The following WRN variants were observed in gnomAD, a reference collection of about 807,000 sequenced individuals.
WRN encodes the protein WRN RecQ like helicase.
A neutral mutation model predicts 180.7 loss-of-function variants in WRN; 149 were observed. The ratio of observed to expected loss-of-function variants is 0.82; its 90% CI spans 0.72 to 0.94. The LOEUF is 0.94. Among genes scored for constraint, WRN ranks in the 40% least tolerant of loss-of-function variants. The pLI is 0.00. For missense variants in WRN, 1,661 were observed against 1,700.1 expected (o/e 0.98, Z 0.40); for synonymous variants, 548 against 568.9 (o/e 0.96, Z 0.52).
At chr8:31,138,066 C>T (rs1802467929) in intron 24 of WRN, among the ~76,000 whole-genome samples, 1 of 151,884 alleles carries the variant, frequency 6.6e-6, no homozygotes, top group African/African-American at 2.4e-5. Flanking sequence ...GACACCTCTG[C>T]ACTCCAGCTT....
At position 31,150,444 on chromosome 8, in the gene WRN, A is replaced by G. The variant is rs566277794; in HGVS notation, c.3676A>G (p.Asn1226Asp). Residue 1226 changes from asparagine to aspartate, a missense_variant, in exon 31 of 35, where the codon AAT (asparagine) becomes GAT (aspartate). Physicochemically the swap from Asn to Asp is conservative, Grantham distance 23. Transcript: ENST00000298139. Reference sequence around the variant, plus strand: ...AGTCATCAAACATTTCTGCCAAACAAATAGTGTTCAGGTAAAATACTGTGG... The same window carrying G: ...AGTCATCAAACATTTCTGCCAAACAGATAGTGTTCAGGTAAAATACTGTGG... Reference protein sequence around the residue: ...LEVIKHFCQTNSVQTDLFSST... With the variant: ...LEVIKHFCQTDSVQTDLFSST... 49 of 1,614,128 alleles carry G rather than the reference A, an allele frequency of 3.0e-5. 1 individual carries two copies. In the South Asian group the frequency reaches 5.1e-4, roughly 17 times the overall value.
At chr8:31,087,725 G>A (rs781491236) in intron 11 of WRN, 51 bp from the exon 12 acceptor site, 1 of 1,578,020 alleles carries the variant, frequency 6.3e-7, no homozygotes, top group Admixed American at 1.7e-5. Context: ...TGGTGAAAAA[G>A]ATACGACACT....
intron 24 of WRN, among the ~76,000 whole-genome samples, chr8:31,137,268 C>T (rs1802436560): frequency 6.6e-6 from 1 of 151,808 alleles, no homozygotes. Context: ...ACAGTTAATC[C>T]CTACTGATCA....
chr8:31,120,554 AAAG>A, intron 21 of WRN, 130 bp downstream of exon 21: 1 of 974,234 alleles, frequency 1.0e-6, no homozygotes, highest in East Asian at 2.7e-5. Context: ...AAAAAAAAAA[AAAG>A]AAAAATAAAA....
intron 3 of WRN, among the ~76,000 whole-genome samples, chr8:31,062,930 G>A (rs1436575064): frequency 3.3e-5 from 5 of 151,924 alleles, no homozygotes; most frequent in African/African-American, 7.2e-5. Flanking sequence ...TTATGGGCTC[G>A]AGTGATCCTT....
intron 3 of WRN, among the ~76,000 whole-genome samples, chr8:31,063,897 A>T (rs1186811870): frequency 6.8e-6 from 1 of 146,134 alleles, no homozygotes; most frequent in Non-Finnish European, 1.5e-5. Context: ...CTAATTTTTA[A>T]TTTTTTTTTT....
At chr8:31,055,192 G>A (rs1282219307) in intron 1 of WRN, among the ~76,000 whole-genome samples, 1 of 152,118 alleles carries the variant, frequency 6.6e-6, no homozygotes, top group East Asian at 1.9e-4. Flanking sequence ...ACATGTGTGT[G>A]CTTGTATCTT....
chr8:31,148,303 C>T (rs546096323), intron 30 of WRN, among the ~76,000 whole-genome samples: 6 of 152,300 alleles, frequency 3.9e-5, no homozygotes, highest in African/African-American at 1.4e-4. Context: ...TTTCCCTTGG[C>T]CTGTTGCAGA....
rs112024742 is a variant in WRN at position 31,173,051 on chromosome 8, T to C, written c.4248T>C (p.Asp1416=). The change falls in exon 35 of 35, where the codon GAT becomes GAC. Residue 1416 remains aspartate, a synonymous_variant. Coordinates refer to ENST00000298139, the MANE Select transcript of WRN (RefSeq NM_000553.6). ...CTGTGTGGTTTGCCAAAGGAAGTGA[T>C]ACCAGCAAGAAATTAATGGACAAAA... The part of the protein sequence containing the change: ...RLPVWFAKGS[D]TSKKLMDKTK... 1.0e-4 allele frequency: 165 copies of C among 1,614,064 alleles called. No individual in the cohort carries two copies. In the African/African-American group the frequency reaches 1.6e-3, roughly 16 times the overall value.
chr8:31,091,760 C>A, intron 15 of WRN, 70 bp from the exon 16 acceptor site: 2 of 1,345,684 alleles, frequency 1.5e-6, no homozygotes, highest in Non-Finnish European at 2.1e-6. Context: ...TTTATTCTTT[C>A]TCACTTAAGA....
intron 34 of WRN, among the ~76,000 whole-genome samples, chr8:31,168,845 A>T (rs1803997905): frequency 6.6e-6 from 1 of 152,142 alleles, no homozygotes; most frequent in Admixed American, 6.6e-5. Flanking sequence ...TTATTAGTTG[A>T]CGTATTGTTG....
intron 1 of WRN, among the ~76,000 whole-genome samples, chr8:31,052,427 G>T (rs760936115): frequency 6.6e-6 from 1 of 151,748 alleles, no homozygotes; most frequent in Admixed American, 6.6e-5. Context: ...TTGCTCTGTT[G>T]CCCAGGGTGG....
intron 14 of WRN, 148 bp downstream of exon 14, chr8:31,090,680 C>T (rs1813711880): frequency 9.5e-7 from 1 of 1,050,958 alleles, no homozygotes; most frequent in Admixed American, 2.5e-5. Context: ...AACAGATGCT[C>T]AGATTTATGT....
intron 13 of WRN, 110 bp from the exon 14 acceptor site, chr8:31,090,355 A>T: frequency 9.5e-7 from 1 of 1,056,594 alleles, no homozygotes; most frequent in South Asian, 1.4e-5. Context: ...TTATGTATGA[A>T]GTTTGAAAAT....
chr8:31,064,849 T>A, intron 4 of WRN, 66 bp from the exon 5 acceptor site: 1 of 1,563,038 alleles, frequency 6.4e-7, no homozygotes, highest in Non-Finnish European at 8.8e-7. Flanking sequence ...ATGGTATGTA[T>A]AAGAAGTAGG....
intron 1 of WRN, among the ~76,000 whole-genome samples, chr8:31,041,543 A>T (rs961650128): frequency 1.3e-5 from 2 of 152,190 alleles, no homozygotes; most frequent in Non-Finnish European, 1.5e-5. Context: ...ACCACAGTAG[A>T]GTATATGGGT....
Position 31,150,360 on chromosome 8 carries a change from G to A in WRN, c.3592G>A (p.Val1198Ile), listed in dbSNP as rs147116477. Residue 1198 changes from valine (V) to isoleucine (I), a missense_variant, in exon 31 of 35, where the codon GTA becomes ATA. Physicochemically the swap from Val to Ile is conservative, Grantham distance 29 (BLOSUM62 3). This residue lies in a region of WRN where 1,141 missense variants were observed against 1,149.4 expected (regional missense o/e 0.99). Transcript: ENST00000298139. The part of the protein sequence containing the change: ...AKMRPTTVEN[V>I]KRIDGVSEGK... ...ACACAGACCAACTACGGTTGAAAAC[G>A]TAAAAAGGATTGATGGTGTTTCTGA... is the stretch of plus-strand genomic sequence containing the variant. The A allele has an allele frequency of 5.6e-6, 9 of 1,614,072 alleles. No homozygotes were observed. Among genetic ancestry groups the A allele is most frequent in the Admixed American group, 3.3e-5 (2 of 60,024 alleles).
chr8:31,106,524 C>T (rs1801103493), intron 18 of WRN, among the ~76,000 whole-genome samples: 1 of 152,136 alleles, frequency 6.6e-6, no homozygotes, highest in Non-Finnish European at 1.5e-5. Context: ...TTTCTTCGGA[C>T]ATTCCAGGCA....
chr8:31,165,510 A>G (rs577717966), intron 33 of WRN, among the ~76,000 whole-genome samples: 1 of 152,196 alleles, frequency 6.6e-6, no homozygotes, highest in African/African-American at 2.4e-5. Flanking sequence ...TTAGTCTACT[A>G]TATTTAAAAT....
Sources: allele counts gnomAD v4.1 joint callset (sites outside exome capture counted in the v4.1 genomes callset), GRCh38; gene constraint gnomAD v4.1.1; regional missense constraint gnomAD v4.1.1; transcripts MANE v1.5; gene names NCBI Gene and HGNC (gene_info 2026-07-23, HGNC 2026-07-21).